The following LRRC37B variants were observed in gnomAD, a reference collection of about 807,000 sequenced individuals.
The protein encoded by LRRC37B is leucine-rich repeat-containing protein 37B.
In LRRC37B, 28 loss-of-function variants were observed where a neutral mutation model predicts 98.3. That is an observed-to-expected ratio of 0.28 (90% confidence interval 0.21 to 0.39). The LOEUF (loss-of-function observed/expected upper bound fraction) is 0.39. LRRC37B is among the 10% of genes least tolerant of loss of function. LRRC37B has a pLI of 1.00. For missense variants in LRRC37B, 938 were observed against 1,182.7 expected (o/e 0.79, Z 3.03); for synonymous variants, 364 against 442.7 (o/e 0.82, Z 2.23).
chr17:32,015,645 G>A (rs547257972), intron 1 of LRRC37B, among the ~76,000 whole-genome samples: 3 of 152,212 alleles, frequency 2.0e-5, no homozygotes, highest in African/African-American at 4.8e-5. Context: ...GGGTCAACTC[G>A]GAAAAATCTA....
chr17:32,022,481 G>A, exon 1 of LRRC37B: 1 of 1,612,996 alleles, frequency 6.2e-7, no homozygotes, highest in South Asian at 1.1e-5. Context: ...CCTCAGCTCA[G>A]CCTCCAGACC....
chr17:32,052,699 C>G (rs1911792007), intron 11 of LRRC37B: 1 of 152,246 alleles, frequency 6.6e-6, no homozygotes, highest in African/African-American at 2.4e-5. Flanking sequence ...TACATGGGAC[C>G]AGGCACGGTG....
chr17:32,031,297 C>G, intron 4 of LRRC37B, 81 bp from the exon 8 acceptor site: 2 of 1,555,944 alleles, frequency 1.3e-6, no homozygotes, highest in Non-Finnish European at 1.7e-6. Flanking sequence ...GATGTTCCAT[C>G]CTATGTAAAT....
intron 5 of LRRC37B, among the ~76,000 whole-genome samples, chr17:32,033,198 G>A (rs35616992): frequency 6.6e-6 from 1 of 151,936 alleles, no homozygotes; most frequent in African/African-American, 2.4e-5. Context: ...AGGCTGGTCT[G>A]GAACTCCTGA....
chr17:32,008,103 C>A, exon 1 of LRRC37B: 1 of 407,890 alleles, frequency 2.5e-6, no homozygotes. Context: ...GCCAGTTACT[C>A]CACGGAAAGC....
At chr17:32,013,708 A>ATGTGTGTGTGTGTGTG (rs879747437) in intron 1 of LRRC37B, among the ~76,000 whole-genome samples, 135 of 130,380 alleles carry the variant, frequency 1.0e-3, no homozygotes, top group African/African-American at 3.8e-3. Context: ...TTATAATTGT[A>ATGTGTGTGTGTGTGTG]TATGTGTGTG....
At chr17:32,016,996 C>T (rs1910658789), upstream of LRRC37B, 1 of 152,152 alleles carries the variant, frequency 6.6e-6, no homozygotes, top group Admixed American at 6.5e-5. Flanking sequence ...GTGTACTCAT[C>T]TGGATCTTAG....
chr17:32,043,320 G>A (rs929821582), intron 7 of LRRC37B, among the ~76,000 whole-genome samples: 1 of 152,140 alleles, frequency 6.6e-6, no homozygotes, highest in Non-Finnish European at 1.5e-5. Context: ...CAGCACTTTG[G>A]GAGGCCAAGG....
Position 32,049,351 on chromosome 17 carries a change from A to G in LRRC37B, c.2714A>G (p.Glu905Gly), listed in dbSNP as rs746665033. ...CAACAAAAAACAAATTATATTAATGAGAACATGGAACAGAATGAACAGAAA... is the reference window on the plus strand; with the variant it reads ...CAACAAAAAACAAATTATATTAATGGGAACATGGAACAGAATGAACAGAAA... The change falls in exon 10 of 12, where the codon GAG (glutamate) becomes GGG (glycine). Residue 905 changes from glutamate to glycine, a missense_variant. By Grantham distance (98) the Glu-to-Gly change is moderately conservative (BLOSUM62 -2). Coordinates refer to ENST00000327564, the Ensembl canonical transcript of LRRC37B. The G allele has an allele frequency of 5.6e-6, 9 of 1,612,686 alleles. No individual in the cohort carries two copies. The East Asian group carries it at 2.0e-4, about 36-fold the overall frequency.
At position 32,045,788 on chromosome 17, in the gene LRRC37B, A is replaced by T. The variant is rs139560584; in HGVS notation, c.2293A>T (p.Thr765Ser). The change falls in exon 8 of 12, where the codon ACT becomes TCT. Residue 765 changes from threonine (T) to serine (S), a missense_variant. Thr to Ser is a moderately conservative substitution (Grantham distance 58). Coordinates refer to ENST00000327564, the Ensembl canonical transcript of LRRC37B. ...CAAGACAGTCAAGCTGCATTGCAAC[A>T]CTGCATGTCTGACTAACAGCATACA... The T allele has an allele frequency of 3.3e-4, 533 of 1,600,142 alleles. No homozygotes were observed. In the African/African-American group the frequency reaches 6.1e-3, roughly 18 times the overall value.
chr17:32,051,360 CG>C lies in LRRC37B; in HGVS notation c.2862+1254del, dbSNP rs1339881598. On this transcript the variant is annotated intron_variant, in intron 11 of 11. Transcript: ENST00000327564. ...GCTGGGTGTGGTGGCGGGCGTGTGT[CG>C]TCCCAGCTACTTGTGAGGCTGAAGC... is the stretch of plus-strand genomic sequence containing the variant. 2.0e-5 allele frequency: 3 copies of C among 151,724 alleles called. No homozygotes were observed. In the East Asian group the frequency reaches 5.8e-4, roughly 29 times the overall value. 9.4% of individuals were successfully genotyped at this position (151,724 alleles called of 1,614,324 possible). A position where few individuals can be genotyped will look rare whatever the true frequency, so the allele number is the denominator to read the frequency against.
At chr17:32,019,843 T>G (rs1283333315), upstream of LRRC37B, among the ~76,000 whole-genome samples, 1 of 152,128 alleles carries the variant, frequency 6.6e-6, no homozygotes, top group Non-Finnish European at 1.5e-5. Context: ...AATCTTGGAA[T>G]CCCTTCAATT....
intron 6 of LRRC37B, 111 bp downstream of exon 9, chr17:32,035,092 A>C (rs1911211188): frequency 4.9e-6 from 4 of 810,340 alleles, no homozygotes; most frequent in Non-Finnish European, 7.7e-6. Flanking sequence ...TTAAATTTTA[A>C]CTGAGTTATT....
At chr17:32,049,664 TAA>T (rs1197166229) in intron 10 of LRRC37B, among the ~76,000 whole-genome samples, 1 of 152,094 alleles carries the variant, frequency 6.6e-6, no homozygotes, top group Non-Finnish European at 1.5e-5. Context: ...GTCAGGAGTT[TAA>T]GACCAGCTCG....
exon 1 of LRRC37B, chr17:32,021,122 T>C: frequency 1.2e-6 from 2 of 1,614,160 alleles, no homozygotes; most frequent in Non-Finnish European, 1.7e-6. Context: ...TGGCTTTTGC[T>C]GAGTGCATAG....
chr17:32,010,528 G>A (rs533906341), intron 1 of LRRC37B, among the ~76,000 whole-genome samples: 62 of 152,260 alleles, frequency 4.1e-4, no homozygotes, highest in Middle Eastern at 3.4e-3. Flanking sequence ...AAGGTAGAGT[G>A]TACATATTTA....
exon 10 of LRRC37B, chr17:32,049,226 A>G: frequency 6.2e-7 from 1 of 1,614,130 alleles, no homozygotes; most frequent in Non-Finnish European, 8.5e-7. Flanking sequence ...CACATGTGCA[A>G]GGGAGCTGTG....
chr17:32,034,806 A>AT (rs903743370), intron 5 of LRRC37B, 104 bp from the exon 9 acceptor site: 36 of 829,940 alleles, frequency 4.3e-5, no homozygotes, highest in Non-Finnish European at 5.3e-5. Flanking sequence ...GCAGAAAATT[A>AT]TTTTTTTTAC....
chr17:32,052,916 G>C (rs1911798840), intron 11 of LRRC37B: 1 of 190,002 alleles, frequency 5.3e-6, no homozygotes, highest in African/African-American at 2.4e-5. Flanking sequence ...CTGCTCTCCA[G>C]CCTGAGTGAC....
Sources: allele counts gnomAD v4.1 joint callset (sites outside exome capture counted in the v4.1 genomes callset), GRCh38; gene constraint gnomAD v4.1.1; transcripts MANE v1.5; gene names NCBI Gene and HGNC (gene_info 2026-07-23, HGNC 2026-07-21).